The following MPHOSPH9 variants were observed in gnomAD, a reference collection of about 807,000 sequenced individuals.
MPHOSPH9 encodes the protein M-phase phosphoprotein 9.
A neutral mutation model predicts 145.5 loss-of-function variants in MPHOSPH9; 88 were observed. The ratio of observed to expected loss-of-function variants is 0.60; its 90% CI spans 0.51 to 0.72. The LOEUF is 0.72. Ranked by LOEUF, MPHOSPH9 falls within the 30% of genes least tolerant of loss-of-function variation. The pLI is 0.00. For missense variants in MPHOSPH9, 1,238 were observed against 1,386.6 expected, an observed-to-expected ratio of 0.89 and a Z score of 1.70; for synonymous variants, 435 against 486.2, an observed-to-expected ratio of 0.89 and a Z score of 1.39.
chr12:123,188,095 C>T (rs1278198962), intron 13 of MPHOSPH9, among the ~76,000 whole-genome samples: 2 of 152,100 alleles, frequency 1.3e-5, no homozygotes, highest in South Asian at 4.1e-4. Flanking sequence ...CATTGCACTC[C>T]AGCCTGTACA....
intron 15 of MPHOSPH9, among the ~76,000 whole-genome samples, chr12:123,178,053 C>G (rs952630678): frequency 8.5e-5 from 13 of 152,122 alleles, no homozygotes; most frequent in Admixed American, 7.2e-4. Context: ...TTTTTTCCCC[C>G]CTTTAAGAGA....
At chr12:123,204,397 A>C (rs575147570) in intron 8 of MPHOSPH9, among the ~76,000 whole-genome samples, 1 of 152,180 alleles carries the variant, frequency 6.6e-6, no homozygotes, top group South Asian at 2.1e-4. Context: ...CTGAAGAAAA[A>C]GCACCAAGAG....
rs114121420 is a variant in MPHOSPH9 at position 123,209,668 on chromosome 12, C to T, written c.1194+388G>A. The stretch of plus-strand genomic sequence containing the variant: ...CAGATGGTCTGCCCACTTCAGCTTC[C>T]CAAAGTGCCGAGATTACAGGATTAC... On this transcript the variant is annotated intron_variant, in intron 8 of 23. Transcript: ENST00000606320. 8.8e-3 allele frequency among the ~76,000 whole-genome samples: 1,341 copies of T among 151,856 alleles called. 18 individuals are homozygous for T. Among genetic ancestry groups the T allele is most frequent in the African/African-American group, 0.03 (1,229 of 41,436 alleles).
intron 5 of MPHOSPH9, among the ~76,000 whole-genome samples, chr12:123,220,948 A>G (rs2047172253): frequency 1.3e-5 from 2 of 151,996 alleles, no homozygotes; most frequent in South Asian, 2.1e-4. Flanking sequence ...CCAGCTACTC[A>G]GGAGACTGAG....
At chr12:123,213,128 G>A (rs2046815430) in intron 7 of MPHOSPH9, among the ~76,000 whole-genome samples, 1 of 151,840 alleles carries the variant, frequency 6.6e-6, no homozygotes, top group African/African-American at 2.4e-5. Context: ...CAAAGTGCTG[G>A]GATTACAAGC....
At chr12:123,162,955 AC>A (rs889191675) in intron 20 of MPHOSPH9, 58 bp downstream of exon 20, 10 of 1,455,510 alleles carry the variant, frequency 6.9e-6, no homozygotes, top group Non-Finnish European at 9.1e-6. Context: ...ACATAAGTCA[AC>A]ATTTAGAAAA....
chr12:123,239,626 TCTC>T (rs1314793382), intron 1 of MPHOSPH9, among the ~76,000 whole-genome samples: 7 of 152,090 alleles, frequency 4.6e-5, no homozygotes, highest in Non-Finnish European at 1.0e-4. Flanking sequence ...ATGGTCTCGA[TCTC>T]CTGACCTCAT....
chr12:123,214,865 T>G (rs748389553), intron 6 of MPHOSPH9, 31 bp from the exon 7 acceptor site: 5 of 1,545,462 alleles, frequency 3.2e-6, no homozygotes, highest in Non-Finnish European at 4.5e-6. Flanking sequence ...GATTGACAGC[T>G]AAAAGTCATT....
intron 14 of MPHOSPH9, among the ~76,000 whole-genome samples, chr12:123,180,651 C>T (rs768416643): frequency 2.0e-4 from 31 of 152,080 alleles, no homozygotes; most frequent in Non-Finnish European, 4.1e-4. Flanking sequence ...CACAGGTGGA[C>T]CACTTGAGGT....
Position 123,163,103 on chromosome 12 carries a change from A to C in MPHOSPH9, c.2940T>G (p.Thr980=), listed in dbSNP as rs745965841. The change falls in exon 20 of 24, where the codon ACT becomes ACG. Residue 980 remains threonine, a synonymous_variant. Coordinates refer to ENST00000606320, the MANE Select transcript of MPHOSPH9 (RefSeq NM_022782.4). ...TKREIMLTPV[T]VAYSPKRSPK... is the part of the protein sequence containing the mutation. The stretch of plus-strand genomic sequence containing the variant: ...GGGATCGCTTTGGACTATAAGCCAC[A>C]GTCACTGGTGTTAGCATAATCTCTC... 3.8e-6 allele frequency: 6 copies of C among 1,589,948 alleles called. No individual in the cohort carries two copies. The South Asian group carries it at 4.7e-5, about 12-fold the overall frequency.
intron 13 of MPHOSPH9, among the ~76,000 whole-genome samples, chr12:123,181,448 C>CAT (rs1182974604): frequency 6.6e-6 from 1 of 151,958 alleles, no homozygotes; most frequent in Non-Finnish European, 1.5e-5. Flanking sequence ...GGCTCACACC[C>CAT]ATAATCTCAA....
intron 1 of MPHOSPH9, among the ~76,000 whole-genome samples, chr12:123,238,684 C>T (rs2047887776): frequency 6.6e-6 from 1 of 152,162 alleles, no homozygotes; most frequent in South Asian, 2.1e-4. Flanking sequence ...TTCCTGTGTT[C>T]TGGAACAATG....
intron 5 of MPHOSPH9, among the ~76,000 whole-genome samples, chr12:123,221,165 G>A (rs1371369109): frequency 5.3e-5 from 8 of 152,158 alleles, no homozygotes; most frequent in South Asian, 2.1e-4. Context: ...CAAAGCTTCC[G>A]ACCTTAAGAG....
chr12:123,220,297 T>C (rs1790101), intron 5 of MPHOSPH9, among the ~76,000 whole-genome samples: 97,632 of 151,878 alleles, frequency 0.64, 35,826 homozygotes, highest in East Asian at 1. Flanking sequence ...CCAGGCACGG[T>C]GGCTCACACC....
intron 1 of MPHOSPH9, among the ~76,000 whole-genome samples, chr12:123,232,391 A>C (rs182367339): frequency 8.5e-5 from 13 of 152,254 alleles, no homozygotes; most frequent in African/African-American, 3.1e-4. Context: ...AAATTTTTTT[A>C]ACTTGATACA....
At chr12:123,181,303 C>T (rs1417031395) in intron 13 of MPHOSPH9, 93 bp from the exon 14 acceptor site, 1 of 998,814 alleles carries the variant, frequency 1.0e-6, no homozygotes, top group Non-Finnish European at 1.5e-6. Flanking sequence ...CTATAGCCTT[C>T]AAAAATGCCA....
At chr12:123,169,683 C>T (rs751542195) in intron 16 of MPHOSPH9, among the ~76,000 whole-genome samples, 3 of 151,634 alleles carry the variant, frequency 2.0e-5, no homozygotes, top group Non-Finnish European at 4.4e-5. Context: ...TCACTGCAAC[C>T]TCTGCCTACC....
chr12:123,178,924 T>C (rs2045000042), intron 15 of MPHOSPH9, among the ~76,000 whole-genome samples: 1 of 152,184 alleles, frequency 6.6e-6, no homozygotes, highest in Non-Finnish European at 1.5e-5. Flanking sequence ...CTCCAACCGG[T>C]CTTTCTGAAA....
At position 123,165,303 on chromosome 12, in the gene MPHOSPH9, A is replaced by T; in HGVS notation, c.2766T>A (p.Asn922Lys). The T allele has an allele frequency of 6.2e-7, 1 of 1,611,792 alleles. No individual in the cohort carries two copies. Among genetic ancestry groups the T allele is most frequent in the Non-Finnish European group, 8.5e-7 (1 of 1,178,388 alleles). Reference sequence around the variant, plus strand: ...TATCTCAAACAAGGAAATACTCACTATTTGAGGTGTCCTCTTTCTCTGTCT... The same window carrying T: ...TATCTCAAACAAGGAAATACTCACTTTTTGAGGTGTCCTCTTTCTCTGTCT... Reference protein sequence around the residue: ...GTQTEKEDTSNINPRQTETSV... With the variant: ...GTQTEKEDTSKINPRQTETSV... The change falls in exon 18 of 24, where the codon AAT (asparagine) becomes AAA (lysine). Residue 922 changes from asparagine to lysine, a missense_variant and splice_region_variant. Asn to Lys is a moderately conservative substitution (Grantham distance 94). Around this residue, in one of 3 missense-constraint regions of MPHOSPH9, gnomAD observed 393 missense variants for 462.5 expected, o/e 0.85. Transcript: ENST00000606320.
Sources: allele counts gnomAD v4.1 joint callset (sites outside exome capture counted in the v4.1 genomes callset), GRCh38; gene constraint gnomAD v4.1.1; regional missense constraint gnomAD v4.1.1; transcripts MANE v1.5; gene names NCBI Gene and HGNC (gene_info 2026-07-23, HGNC 2026-07-21).